The following CNBD1 variants were observed in gnomAD, a reference collection of about 807,000 sequenced individuals.
CNBD1 encodes the protein cyclic nucleotide binding domain containing 1, also known as cyclic nucleotide-binding domain-containing protein 1.
Under a neutral mutation model 54.4 loss-of-function variants are expected in CNBD1, and 71 were observed. The observed-to-expected ratio is 1.30, with a 90% CI of 1.08 to 1.59. The LOEUF is 1.59. CNBD1 is among the 40% of genes most tolerant of loss of function. The pLI is 0.00. For missense variants in CNBD1, 659 were observed against 518.0 expected, an observed-to-expected ratio of 1.27 and a Z score of -2.64; for synonymous variants, 182 against 170.7, an observed-to-expected ratio of 1.07 and a Z score of -0.51.
chr8:87,191,751 C>T (rs188170093), intron 4 of CNBD1, among the ~76,000 whole-genome samples: 57 of 152,212 alleles, frequency 3.7e-4, no homozygotes, highest in Non-Finnish European at 7.9e-4. Context: ...AGAAACACCC[C>T]GACTGCCCAC....
chr8:87,348,279 A>C (rs1810214429), intron 8 of CNBD1, among the ~76,000 whole-genome samples: 2 of 152,162 alleles, frequency 1.3e-5, no homozygotes, highest in African/African-American at 4.8e-5. Flanking sequence ...TCTGCAAATA[A>C]ATATACATTT....
intron 4 of CNBD1, among the ~76,000 whole-genome samples, chr8:86,962,239 C>T (rs182691591): frequency 3.3e-5 from 5 of 152,272 alleles, no homozygotes; most frequent in African/African-American, 9.6e-5. Context: ...ATTCAGTCGA[C>T]TGATAAAACC....
At chr8:87,071,580 G>A (rs772496530) in intron 4 of CNBD1, among the ~76,000 whole-genome samples, 5 of 152,100 alleles carry the variant, frequency 3.3e-5, no homozygotes, top group Non-Finnish European at 7.4e-5. Context: ...AAAAACTCAT[G>A]TAACAGATTT....
At chr8:87,137,196 T>G (rs1439588994) in intron 4 of CNBD1, among the ~76,000 whole-genome samples, 1 of 142,368 alleles carries the variant, frequency 7.0e-6, no homozygotes, top group Non-Finnish European at 1.5e-5. Context: ...CTATATAAAT[T>G]ATATATATAT....
chr8:87,001,166 T>C (rs1808982195), intron 4 of CNBD1, among the ~76,000 whole-genome samples: 1 of 152,090 alleles, frequency 6.6e-6, no homozygotes, highest in Non-Finnish European at 1.5e-5. Flanking sequence ...TTTACTTATG[T>C]CTGTTCTGTT....
rs184446889 is a variant in CNBD1, at chr8:86,901,042, T to A, written c.159-4039T>A. On this transcript the variant is annotated intron_variant, in intron 2 of 10. Coordinates refer to ENST00000518476, the MANE Select transcript of CNBD1 (RefSeq NM_173538.3). Reference sequence around the variant, plus strand: ...GCTAGAAACTCACATTTCCAAAAAATTTTTAAATAAGAACAGAAGAGACTG... The same window carrying A: ...GCTAGAAACTCACATTTCCAAAAAAATTTTAAATAAGAACAGAAGAGACTG... Among the ~76,000 whole-genome samples, 992 of 152,266 alleles carry A rather than the reference T, an allele frequency of 6.5e-3. 21 individuals are homozygous for A. Among genetic ancestry groups the A allele is most frequent in the African/African-American group, 0.023 (942 of 41,562 alleles).
At position 87,033,545 on chromosome 8, in the gene CNBD1, C is replaced by T. The variant is rs548660605; in HGVS notation, c.431+93791C>T. On this transcript the variant is annotated intron_variant, in intron 4 of 10. Coordinates refer to ENST00000518476, the MANE Select transcript of CNBD1 (RefSeq NM_173538.3). The stretch of plus-strand genomic sequence containing the variant: ...CCCCTCAGGGATCAGAGATTAGCAG[C>T]TTTATAGATAAAGGCAGTACTGATT... Among the ~76,000 whole-genome samples the T allele has an allele frequency of 5.2e-4, 79 of 152,260 alleles. No individual in the cohort carries two copies. The South Asian group carries it at 0.015, about 29-fold the overall frequency.
chr8:86,940,154 G>A (rs1222864405), intron 4 of CNBD1, among the ~76,000 whole-genome samples: 3 of 2,034 alleles, frequency 1.5e-3, no homozygotes, highest in African/African-American at 6.8e-3. Flanking sequence ...TTTTTTTTGA[G>A]ACTGTTGCTC....
chr8:86,981,020 T>C (rs994832859), intron 4 of CNBD1, among the ~76,000 whole-genome samples: 1 of 152,214 alleles, frequency 6.6e-6, no homozygotes, highest in African/African-American at 2.4e-5. Context: ...GGTGTGGTTA[T>C]AGCAATTTGG....
At chr8:87,001,563 A>C (rs1808993803) in intron 4 of CNBD1, among the ~76,000 whole-genome samples, 1 of 152,140 alleles carries the variant, frequency 6.6e-6, no homozygotes, top group African/African-American at 2.4e-5. Flanking sequence ...CTAATGAGCT[A>C]AAGTTGAATG....
chr8:87,277,370 A>G (rs763005970), intron 6 of CNBD1, among the ~76,000 whole-genome samples: 16 of 151,776 alleles, frequency 1.1e-4, no homozygotes, highest in Non-Finnish European at 1.8e-4. Context: ...TACTCAGTCT[A>G]TGTATCTAAA....
At chr8:87,422,987 C>G (rs982699690) in intron 2 of CNBD1, among the ~76,000 whole-genome samples, 1 of 151,880 alleles carries the variant, frequency 6.6e-6, no homozygotes, top group East Asian at 1.9e-4. Flanking sequence ...AGAGGTCCTT[C>G]ACATCCCTTG....
At chr8:87,304,477 G>C (rs1809095023) in intron 8 of CNBD1, among the ~76,000 whole-genome samples, 1 of 151,800 alleles carries the variant, frequency 6.6e-6, no homozygotes, top group Non-Finnish European at 1.5e-5. Context: ...CACACACCAG[G>C]GCCTGTTGTG....
intron 8 of CNBD1, among the ~76,000 whole-genome samples, chr8:87,329,894 G>A (rs1485563301): frequency 1.3e-5 from 2 of 151,710 alleles, no homozygotes; most frequent in African/African-American, 4.8e-5. Context: ...CTCCTCTCTT[G>A]TTTTACTGCA....
chr8:86,905,163 C>T lies in CNBD1; in HGVS notation c.241C>T (p.Leu81Phe). 3.1e-6 allele frequency: 5 copies of T among 1,609,858 alleles called. No individual in the cohort carries two copies. The highest frequency in any genetic ancestry group is 2.2e-5 in the East Asian group (1 of 44,822). Residue 81 changes from leucine (L) to phenylalanine (F), a missense_variant, in exon 3 of 11, where the codon CTT becomes TTT. By Grantham distance (22) the Leu-to-Phe change is conservative. Transcript: ENST00000518476. ...AGTATTCCTGCACCAAAAACCCAGA[C>T]TTCCTAAACTTTTCAAACAGGAGGA... ...PKVFLHQKPR[L>F]PKLFKQEEQR...
intron 4 of CNBD1, among the ~76,000 whole-genome samples, chr8:86,986,150 G>A (rs957309590): frequency 5.9e-5 from 9 of 151,922 alleles, no homozygotes; most frequent in South Asian, 4.2e-4. Context: ...GCCTGGTCTC[G>A]AACTCCTGAC....
At chr8:86,914,197 C>A (rs942570400) in intron 3 of CNBD1, among the ~76,000 whole-genome samples, 3 of 152,138 alleles carry the variant, frequency 2.0e-5, no homozygotes, top group Admixed American at 6.5e-5. Context: ...TCAGTTTATG[C>A]AGATGACAGG....
intron 4 of CNBD1, among the ~76,000 whole-genome samples, chr8:87,180,425 T>C (rs748179182): frequency 5.9e-5 from 9 of 152,168 alleles, no homozygotes; most frequent in Admixed American, 5.2e-4. Flanking sequence ...TGTGTTGTCT[T>C]GTATTATTTT....
At chr8:86,895,278 G>A (rs1036605539) in intron 2 of CNBD1, among the ~76,000 whole-genome samples, 24 of 151,574 alleles carry the variant, frequency 1.6e-4, no homozygotes, top group African/African-American at 5.8e-4. Flanking sequence ...GTGTGTGTGT[G>A]TGTTTGGCTT....
Sources: gnomAD v4.1 joint callset for allele counts (sites outside exome capture counted in the v4.1 genomes callset) on GRCh38, gnomAD v4.1.1 for gene constraint, MANE v1.5 for transcripts, NCBI Gene and HGNC (gene_info 2026-07-23, HGNC 2026-07-21) for gene names.